SEC62: variants seen among roughly 807,000 people sequenced by gnomAD.
SEC62 encodes the protein translocation protein SEC62.
A neutral mutation model predicts 47.5 loss-of-function variants in SEC62; 10 were observed. The observed-to-expected ratio is 0.21, with a 90% CI of 0.13 to 0.36. The LOEUF is 0.36. Ranked by LOEUF, SEC62 falls within the 10% of genes least tolerant of loss-of-function variation. SEC62 has a pLI of 1.00. For synonymous variants in SEC62, 136 were observed against 150.5 expected, an observed-to-expected ratio of 0.90 and a Z score of 0.71; for missense variants, 327 against 464.1, an observed-to-expected ratio of 0.70 and a Z score of 2.71.
intron 1 of SEC62, among the ~76,000 whole-genome samples, chr3:169,974,817 T>A (rs1040409977): frequency 1.3e-5 from 2 of 151,764 alleles, no homozygotes; most frequent in South Asian, 4.1e-4. Context: ...GCAGCTGTCA[T>A]TGATTAATTT....
At chr3:169,970,036 G>C (rs1053466037) in intron 1 of SEC62, among the ~76,000 whole-genome samples, 27 of 152,094 alleles carry the variant, frequency 1.8e-4, no homozygotes, top group African/African-American at 6.5e-4. Context: ...AGACTATACA[G>C]GTCTAATTTC....
Position 169,985,831 on chromosome 3 carries a change from T to G in SEC62, c.576T>G (p.Val192=). Residue 192 remains valine (V), a synonymous_variant, in exon 6 of 8, where the codon GTT becomes GTG. Coordinates refer to ENST00000337002, the MANE Select transcript of SEC62 (RefSeq NM_003262.4). ...NEVYVWIYDP[V]HFKTFVMGLI... ...TGTATGTATGGATCTATGACCCAGT[T>G]CACTTTAAAACATTTGTCATGGGAT... 1 of 1,612,690 alleles carries G rather than the reference T, an allele frequency of 6.2e-7. No homozygotes were observed. Among genetic ancestry groups the G allele is most frequent in the Non-Finnish European group, 8.5e-7 (1 of 1,179,294 alleles).
chr3:169,988,187 A>C, intron 6 of SEC62, 53 bp from the exon 7 acceptor site: 3 of 1,600,300 alleles, frequency 1.9e-6, no homozygotes, highest in Non-Finnish European at 2.6e-6. Flanking sequence ...TAGTGCAGCC[A>C]TACCATTTAA....
rs762533262 is a variant in SEC62, at chr3:169,992,785, G to A, written c.922G>A (p.Asp308Asn). 19 of 1,613,942 alleles carry A rather than the reference G, an allele frequency of 1.2e-5. No individual in the cohort carries two copies. Among genetic ancestry groups the A allele is most frequent in the East Asian group, 4.5e-5 (2 of 44,892 alleles). The change falls in exon 8 of 8, where the codon GAC becomes AAC. Residue 308 changes from aspartate (D) to asparagine (N), a missense_variant. Coordinates refer to ENST00000337002, the MANE Select transcript of SEC62 (RefSeq NM_003262.4). This position sits in a 1 kb window ranked among gnomAD's most constrained non-coding sequence, Gnocchi z 4.0. ...KSETKKQQKS[D>N]SEEKSDSEKK... ...TGAAACCAAAAAGCAACAGAAGTCC[G>A]ACAGTGAGGAAAAGTCAGACAGTGA...
chr3:169,983,031 G>T, intron 4 of SEC62, 120 bp downstream of exon 4: 1 of 1,480,444 alleles, frequency 6.8e-7, no homozygotes, highest in Non-Finnish European at 9.1e-7. Context: ...TATTAGAGTT[G>T]TTATAAATAC....
chr3:169,975,771 A>G (rs1175534395), intron 2 of SEC62, 55 bp downstream of exon 2: 4 of 1,234,912 alleles, frequency 3.2e-6, no homozygotes, highest in African/African-American at 1.5e-5. Context: ...AAGTTAACCT[A>G]CATTTGGGAT....
chr3:169,989,924 TTATA>T (rs1028060591), intron 7 of SEC62, among the ~76,000 whole-genome samples: 3 of 148,656 alleles, frequency 2.0e-5, no homozygotes, highest in Non-Finnish European at 4.5e-5. Context: ...TTTGAAGTCT[TTATA>T]TATATTATGT....
chr3:169,995,583 C>T lies in SEC62; in HGVS notation c.*2520C>T, dbSNP rs548021079. On this transcript the variant is annotated 3_prime_UTR_variant, in exon 8 of 8. Transcript: ENST00000337002. ...GTTTTACATCATGAGGATCAGTTAG[C>T]TGCTGACAAGAAAAGTCATCTTGTG... 6.6e-6 allele frequency: 1 copy of T among 152,188 alleles called. No individual in the cohort carries two copies. Among genetic ancestry groups the T allele is most frequent in the Non-Finnish European group, 1.5e-5 (1 of 67,998 alleles). The allele number at this position is 152,188 out of a possible 1,614,324, so 9.4% of individuals were successfully genotyped here. A position where few individuals can be genotyped will look rare whatever the true frequency, so the allele number is the denominator to read the frequency against.
In SEC62 at chr3:169,992,584, C is replaced by T; in HGVS notation, c.731-10C>T. 6.9e-6 allele frequency: 11 copies of T among 1,588,936 alleles called. No homozygotes were observed. The highest frequency in any genetic ancestry group is 9.4e-6 in the Non-Finnish European group (11 of 1,168,658). ...GAATTACTCAATTAGAGAAATTTTT[C>T]TCCCCACAGCTCGATGCATTCTATT... On this transcript the variant is annotated splice_polypyrimidine_tract_variant and intron_variant, in intron 7 of 7. Transcript: ENST00000337002. This position sits in a 1 kb window ranked among gnomAD's most constrained non-coding sequence, Gnocchi z 4.0.
chr3:169,976,922 TA>T, intron 2 of SEC62, 23 bp from the exon 3 acceptor site: 1 of 1,528,428 alleles, frequency 6.5e-7, no homozygotes, highest in Admixed American at 1.7e-5. Flanking sequence ...ATGCTAAATT[TA>T]AAATAATGAA....
At chr3:169,981,689 T>TAA (rs1199372020) in intron 3 of SEC62, among the ~76,000 whole-genome samples, 2 of 152,122 alleles carry the variant, frequency 1.3e-5, no homozygotes, top group East Asian at 3.8e-4. Context: ...ATTGTAAGGT[T>TAA]AAAGAGAAAC....
rs1464741523 is a variant in SEC62 at position 169,997,683 on chromosome 3, A to T, written c.*4620A>T. 1 of 152,122 alleles carries T rather than the reference A, an allele frequency of 6.6e-6. No individual in the cohort carries two copies. The highest frequency in any genetic ancestry group is 1.9e-4 in the East Asian group (1 of 5,182). 9.4% of individuals were successfully genotyped at this position (152,122 alleles called of 1,614,324 possible). On this transcript the variant is annotated 3_prime_UTR_variant, in exon 8 of 8. Transcript: ENST00000337002. ...GGGTTTCACCGTGTTGGCGAGACTG[A>T]TCTTGAACTCCTGACATCAGGTGAT...
Position 169,979,942 on chromosome 3 carries a change from C to G in SEC62, c.252-2765C>G, listed in dbSNP as rs904500364. ...ACCTTTGCCACATTGGTGGAAGTCCCCAACATGTCTGGCATTTAATAAATG... is the reference window on the plus strand; with the variant it reads ...ACCTTTGCCACATTGGTGGAAGTCCGCAACATGTCTGGCATTTAATAAATG... On this transcript the variant is annotated intron_variant, in intron 3 of 7. Coordinates refer to ENST00000337002, the MANE Select transcript of SEC62 (RefSeq NM_003262.4). 3.3e-5 allele frequency among the ~76,000 whole-genome samples: 5 copies of G among 152,050 alleles called. No homozygotes were observed. In the South Asian group the frequency reaches 1.0e-3, roughly 32 times the overall value.
chr3:169,985,819 C>A lies in SEC62; in HGVS notation c.564C>A (p.Ile188=). Residue 188 remains isoleucine (I), a synonymous_variant, in exon 6 of 8, where the codon ATC becomes ATA. Transcript: ENST00000337002. Reference sequence around the variant, plus strand: ...GATTCTTCTAGGTGTATGTATGGATCTATGACCCAGTTCACTTTAAAACAT... The same window carrying A: ...GATTCTTCTAGGTGTATGTATGGATATATGACCCAGTTCACTTTAAAACAT... ...FLDGNEVYVW[I]YDPVHFKTFV... 1.2e-6 allele frequency: 2 copies of A among 1,612,210 alleles called. No homozygotes were observed. The highest frequency in any genetic ancestry group is 1.7e-6 in the Non-Finnish European group (2 of 1,179,018).
chr3:169,987,913 G>A (rs57129693), intron 6 of SEC62, among the ~76,000 whole-genome samples: 43,838 of 151,920 alleles, frequency 0.29, 7,674 homozygotes, highest in African/African-American at 0.49. Flanking sequence ...AAATATCTTA[G>A]TATTTTTTAA....
intron 6 of SEC62, among the ~76,000 whole-genome samples, chr3:169,987,456 G>A (rs1341257074): frequency 3.3e-5 from 5 of 152,108 alleles, no homozygotes; most frequent in African/African-American, 1.2e-4. Context: ...TATAATAAGA[G>A]TACTAGTCAC....
intron 3 of SEC62, among the ~76,000 whole-genome samples, chr3:169,980,940 A>G (rs1019212625): frequency 2.0e-5 from 3 of 152,198 alleles, no homozygotes; most frequent in Non-Finnish European, 4.4e-5. Flanking sequence ...CTGAAAGAAA[A>G]TCTGGAAATC....
chr3:169,986,915 T>A (rs1261799980), intron 6 of SEC62, among the ~76,000 whole-genome samples: 1 of 152,014 alleles, frequency 6.6e-6, no homozygotes, highest in Non-Finnish European at 1.5e-5. Flanking sequence ...TTTGTAGAGA[T>A]GGGGTTTCGC....
At chr3:169,985,903 T>C in intron 6 of SEC62, 38 bp downstream of exon 6, 1 of 1,444,270 alleles carries the variant, frequency 6.9e-7, no homozygotes, top group Non-Finnish European at 9.6e-7. Context: ...AAGTGCAATC[T>C]AAAATTTAGA....
Sources: gnomAD v4.1 joint callset for allele counts (sites outside exome capture counted in the v4.1 genomes callset) on GRCh38, gnomAD v4.1.1 for gene constraint, Gnocchi (gnomAD v3.1) non-coding constraint, MANE v1.5 for transcripts, NCBI Gene and HGNC (gene_info 2026-07-23, HGNC 2026-07-21) for gene names.